Variants in WWOX observed in about 807,000 individuals in gnomAD.
The protein encoded by WWOX is WW domain-containing oxidoreductase.
WWOX carries 69 observed loss-of-function variants against 46.2 expected under a neutral mutation model. The observed-to-expected ratio is 1.49, with a 90% CI of 1.23 to 1.82. The LOEUF (loss-of-function observed/expected upper bound fraction) is 1.82, where lower values mean the gene tolerates loss of function less well. WWOX is among the 40% of genes most tolerant of loss of function. The pLI, the probability that WWOX is intolerant of heterozygous loss-of-function variation, is 0.00. For synonymous variants in WWOX, 359 were observed against 202.6 expected (o/e 1.77, Z -6.56); for missense variants, 919 against 542.6 (o/e 1.69, Z -6.89).
At chr16:78,657,664 A>G (rs773217303) in intron 8 of WWOX, among the ~76,000 whole-genome samples, 8 of 152,004 alleles carry the variant, frequency 5.3e-5, no homozygotes, top group Non-Finnish European at 1.0e-4. Context: ...ATTTCCTTGG[A>G]TGTGATGGAA....
chr16:78,537,104 G>A (rs950439792), intron 8 of WWOX, among the ~76,000 whole-genome samples: 18 of 151,810 alleles, frequency 1.2e-4, no homozygotes, highest in African/African-American at 3.6e-4. Context: ...TTTAGTAGAG[G>A]CGGGGTTTTG....
chr16:78,239,870 T>C (rs955573892), intron 5 of WWOX, among the ~76,000 whole-genome samples: 2 of 152,124 alleles, frequency 1.3e-5, no homozygotes, highest in African/African-American at 2.4e-5. Flanking sequence ...TTTTCTTTTT[T>C]CCTCAAGACT....
At chr16:78,929,710 G>C (rs1163296453) in intron 8 of WWOX, among the ~76,000 whole-genome samples, 4 of 152,168 alleles carry the variant, frequency 2.6e-5, no homozygotes, top group East Asian at 3.9e-4. Flanking sequence ...TTCAGGAAGA[G>C]CGTTTAGGAA....
At chr16:78,665,660 C>G (rs759046139) in intron 8 of WWOX, among the ~76,000 whole-genome samples, 9 of 152,048 alleles carry the variant, frequency 5.9e-5, no homozygotes, top group Admixed American at 5.2e-4. Flanking sequence ...CTGAGCTGAC[C>G]CAAGACACAC....
At chr16:78,541,317 A>G (rs540313335) in intron 8 of WWOX, among the ~76,000 whole-genome samples, 22 of 151,052 alleles carry the variant, frequency 1.5e-4, no homozygotes, top group Non-Finnish European at 2.8e-4. Context: ...TACTAAAAAT[A>G]CAAAAAATTA....
At chr16:78,591,228 C>T (rs1000979204) in intron 8 of WWOX, among the ~76,000 whole-genome samples, 1 of 152,200 alleles carries the variant, frequency 6.6e-6, no homozygotes, top group Admixed American at 6.5e-5. Context: ...AAAGCACCTT[C>T]TCTTCCTATA....
At chr16:78,401,514 G>A (rs1156988232) in intron 6 of WWOX, among the ~76,000 whole-genome samples, 1 of 152,086 alleles carries the variant, frequency 6.6e-6, no homozygotes, top group African/African-American at 2.4e-5. Flanking sequence ...CCTGTATCCT[G>A]TCTTGGTATT....
intron 8 of WWOX, among the ~76,000 whole-genome samples, chr16:78,678,046 A>G (rs912138314): frequency 5.3e-5 from 8 of 152,124 alleles, no homozygotes; most frequent in African/African-American, 1.9e-4. Flanking sequence ...TTTTCTCCTT[A>G]GCAGACATCA....
At chr16:78,946,703 C>T (rs181343999) in intron 8 of WWOX, among the ~76,000 whole-genome samples, 17 of 152,114 alleles carry the variant, frequency 1.1e-4, no homozygotes, top group African/African-American at 3.6e-4. Flanking sequence ...CTGTGTGGTG[C>T]GTCTGTTTTT....
At chr16:78,507,651 C>T (rs967207348) in intron 8 of WWOX, among the ~76,000 whole-genome samples, 5 of 152,224 alleles carry the variant, frequency 3.3e-5, no homozygotes, top group Admixed American at 1.3e-4. Flanking sequence ...GCCTTGGTCC[C>T]GTCTCCAGCC....
At chr16:79,202,756 C>T (rs1409546027) in intron 8 of WWOX, 1 of 152,096 alleles carries the variant, frequency 6.6e-6, no homozygotes, top group Non-Finnish European at 1.5e-5. Flanking sequence ...TAGCAGCATG[C>T]ATAGCTTGTT....
At position 78,841,982 on chromosome 16, in the gene WWOX, G is replaced by T. The variant is rs187922825; in HGVS notation, c.1057-369626G>T. Among the ~76,000 whole-genome samples the T allele has an allele frequency of 1.1e-4, 17 of 152,244 alleles. No homozygotes were observed. The East Asian group carries it at 3.3e-3, about 29-fold the overall frequency. The stretch of plus-strand genomic sequence containing the variant: ...CGTGTGGGACACCCAGCTATTCTCT[G>T]GAAGGGAAGGGGGATATAAGAGACA... On this transcript the variant is annotated intron_variant, in intron 8 of 8. Transcript: ENST00000566780.
intron 8 of WWOX, among the ~76,000 whole-genome samples, chr16:78,709,501 C>T (rs1199260042): frequency 6.6e-6 from 1 of 152,108 alleles, no homozygotes; most frequent in African/African-American, 2.4e-5. Context: ...CTGACACAGG[C>T]CCTCTCAATC....
intron 8 of WWOX, among the ~76,000 whole-genome samples, chr16:78,903,736 C>G (rs2044886900): frequency 6.6e-6 from 1 of 152,194 alleles, no homozygotes; most frequent in Admixed American, 6.5e-5. Flanking sequence ...AAGCTGCCAT[C>G]CATTATGCAT....
At chr16:79,011,409 C>T (rs1308287986) in intron 8 of WWOX, among the ~76,000 whole-genome samples, 1 of 151,638 alleles carries the variant, frequency 6.6e-6, no homozygotes, top group Non-Finnish European at 1.5e-5. Context: ...TCTGAGAATT[C>T]CCTTGCATTT....
intron 8 of WWOX, among the ~76,000 whole-genome samples, chr16:79,086,336 T>G (rs145665887): frequency 1.3e-5 from 2 of 152,244 alleles, no homozygotes. Flanking sequence ...TTGATTGATA[T>G]GCAAAAGTCA....
At chr16:78,612,497 A>G (rs2045925168) in intron 8 of WWOX, among the ~76,000 whole-genome samples, 1 of 152,206 alleles carries the variant, frequency 6.6e-6, no homozygotes, top group South Asian at 2.1e-4. Flanking sequence ...TTTGTTTTGT[A>G]GACAGAGCTC....
chr16:78,116,743 G>C (rs901801595), intron 4 of WWOX, among the ~76,000 whole-genome samples: 1 of 152,126 alleles, frequency 6.6e-6, no homozygotes, highest in South Asian at 2.1e-4. Context: ...TAAGAAAAAA[G>C]GACTTAAGGG....
intron 8 of WWOX, among the ~76,000 whole-genome samples, chr16:79,074,168 C>G (rs1567531861): frequency 1.3e-5 from 2 of 151,972 alleles, no homozygotes; most frequent in Non-Finnish European, 2.9e-5. Context: ...AACTCCGACC[C>G]CAAGTTGGAG....
Sources: allele counts gnomAD v4.1 joint callset (sites outside exome capture counted in the v4.1 genomes callset), GRCh38; gene constraint gnomAD v4.1.1; transcripts MANE v1.5; gene names NCBI Gene and HGNC (gene_info 2026-07-23, HGNC 2026-07-21).